Variants in PCDHA6 observed in about 807,000 individuals in gnomAD.
PCDHA6 encodes protocadherin alpha-6.
In PCDHA6, 55 loss-of-function variants were observed where a neutral mutation model predicts 60.3. That is an observed-to-expected ratio of 0.91 (90% confidence interval 0.73 to 1.14). The LOEUF (loss-of-function observed/expected upper bound fraction) is 1.14. Ranked by LOEUF, PCDHA6 falls within the 50% of genes most tolerant of loss-of-function variation. The pLI, the probability that PCDHA6 is intolerant of heterozygous loss-of-function variation, is 0.00. For missense variants in PCDHA6, 1,327 were observed against 1,256.5 expected, an observed-to-expected ratio of 1.06 and a Z score of -0.85; for synonymous variants, 652 against 557.9, an observed-to-expected ratio of 1.17 and a Z score of -2.38.
chr5:140,922,093 C>T (rs1037802949), intron 1 of PCDHA6, among the ~76,000 whole-genome samples: 6 of 151,986 alleles, frequency 3.9e-5, no homozygotes, highest in Middle Eastern at 3.4e-3. Flanking sequence ...GTATTTCTAC[C>T]AACTATAGAT....
chr5:140,921,057 C>G (rs2079994477), intron 1 of PCDHA6, among the ~76,000 whole-genome samples: 1 of 151,924 alleles, frequency 6.6e-6, no homozygotes, highest in African/African-American at 2.4e-5. Flanking sequence ...ATAGCTCACT[C>G]TAACCTTGAA....
At chr5:140,897,307 A>G (rs2065987327) in intron 1 of PCDHA6, among the ~76,000 whole-genome samples, 2 of 148,058 alleles carry the variant, frequency 1.4e-5, no homozygotes, top group African/African-American at 2.5e-5. Context: ...AGCATTAGGT[A>G]TATCTCCTAA....
At position 140,904,654 on chromosome 5, in the gene PCDHA6, G is replaced by C. The variant is rs554492367; in HGVS notation, c.2394+74169G>C. On this transcript the variant is annotated intron_variant, in intron 1 of 3. Coordinates refer to ENST00000529310, the MANE Select transcript of PCDHA6 (RefSeq NM_018909.4). ...AGGAATCTCCACACTGTTTTCCATAGTGGTTGTACTAGTTTACATTCCCAC... is the reference window on the plus strand; with the variant it reads ...AGGAATCTCCACACTGTTTTCCATACTGGTTGTACTAGTTTACATTCCCAC... Among the ~76,000 whole-genome samples, 175 of 152,122 alleles carry C rather than the reference G, an allele frequency of 1.2e-3. 1 individual carries two copies. The highest frequency in any genetic ancestry group is 3.4e-3 in the Middle Eastern group (1 of 294).
rs782723934 is a variant in PCDHA6, at chr5:140,857,452, G to A, written c.2394+26967G>A. The A allele has an allele frequency of 4.4e-6, 7 of 1,598,446 alleles. 1 individual carries two copies. The highest frequency in any genetic ancestry group is 4.3e-6 in the Non-Finnish European group (5 of 1,167,904). ...CGGTGTTCGTGAAGGAGAACAACCC[G>A]CCAGGCTGCCACATCTTCACGGTGT... On this transcript the variant is annotated intron_variant, in intron 1 of 3. Coordinates refer to ENST00000529310, the MANE Select transcript of PCDHA6 (RefSeq NM_018909.4).
At chr5:140,856,781 G>C in intron 1 of PCDHA6, 1 of 1,596,356 alleles carries the variant, frequency 6.3e-7, no homozygotes, top group South Asian at 1.1e-5. Context: ...TGACAGACCG[G>C]TTTATGAAGT....
At chr5:140,893,083 T>C (rs2063812039) in intron 1 of PCDHA6, among the ~76,000 whole-genome samples, 1 of 152,266 alleles carries the variant, frequency 6.6e-6, no homozygotes, top group Non-Finnish European at 1.5e-5. Flanking sequence ...GATTTCATTC[T>C]TTTTTATGGC....
At chr5:140,964,954 G>A (rs140288048) in intron 1 of PCDHA6, among the ~76,000 whole-genome samples, 6 of 152,316 alleles carry the variant, frequency 3.9e-5, no homozygotes, top group Non-Finnish European at 7.4e-5. Flanking sequence ...AGTGTGCTTG[G>A]TTGGTGGAAC....
At chr5:140,881,392 A>G (rs2058698624) in intron 1 of PCDHA6, 2 of 979,256 alleles carry the variant, frequency 2.0e-6, no homozygotes. Context: ...CGGTAAGTTA[A>G]ATTCTATTAA....
Position 140,992,419 on chromosome 5 carries a change from A to C in PCDHA6, c.2542+9856A>C, listed in dbSNP as rs554370784. The stretch of plus-strand genomic sequence containing the variant: ...GAGATATTGTTCTGCCCCAGGTCTA[A>C]GAATATTGTTCCAAGAGTTGGGAGC... On this transcript the variant is annotated intron_variant, in intron 3 of 3. Transcript: ENST00000529310. Among the ~76,000 whole-genome samples the C allele has an allele frequency of 3.3e-5, 5 of 152,318 alleles. No individual in the cohort carries two copies. In the East Asian group the frequency reaches 7.7e-4, roughly 23 times the overall value.
At chr5:140,880,620 A>C (rs2058397773) in intron 1 of PCDHA6, among the ~76,000 whole-genome samples, 1 of 152,170 alleles carries the variant, frequency 6.6e-6, no homozygotes, top group Non-Finnish European at 1.5e-5. Context: ...AAGAGGGAGG[A>C]GTTAATTATC....
Position 140,969,025 on chromosome 5 carries a change from T to G in PCDHA6, c.2395-9924T>G, listed in dbSNP as rs1554231368. On this transcript the variant is annotated intron_variant, in intron 1 of 3. Transcript: ENST00000529310. ...TCTGTGGAGTAAGGGAAAGGTCCCC[T>G]GCAGAACTGTACAAACAAGCCAACA... The G allele has an allele frequency of 1.9e-6, 3 of 1,614,178 alleles. No individual in the cohort carries two copies. The East Asian group carries it at 6.7e-5, about 36-fold the overall frequency.
At chr5:140,902,176 C>T (rs1488205989) in intron 1 of PCDHA6, among the ~76,000 whole-genome samples, 1 of 146,420 alleles carries the variant, frequency 6.8e-6, no homozygotes, top group Non-Finnish European at 1.5e-5. Context: ...TTTGGATGTC[C>T]TTTATGTCTT....
intron 1 of PCDHA6, chr5:140,875,922 T>C: frequency 6.2e-7 from 1 of 1,614,200 alleles, no homozygotes; most frequent in South Asian, 1.1e-5. Context: ...CTCTGGACTC[T>C]CATTTTCCTC....
chr5:140,935,501 A>G (rs1337847677), intron 1 of PCDHA6, among the ~76,000 whole-genome samples: 1 of 152,250 alleles, frequency 6.6e-6, no homozygotes, highest in East Asian at 1.9e-4. Context: ...GCACATCCTT[A>G]CAAATGCCCA....
chr5:140,858,025 G>A, intron 1 of PCDHA6: 1 of 1,596,948 alleles, frequency 6.3e-7, no homozygotes, highest in Non-Finnish European at 8.6e-7. Context: ...CGTCGCTGAC[G>A]GCCACGGCCA....
chr5:140,851,579 C>T lies in PCDHA6; in HGVS notation c.2394+21094C>T, dbSNP rs527993952. On this transcript the variant is annotated intron_variant, in intron 1 of 3. Transcript: ENST00000529310. ...ACTGAAATTTTGTCTACACTTAGAA[C>T]ATTTTTTGAAATTCAGTTTACAGAA... 1.1e-5 allele frequency: 10 copies of T among 913,374 alleles called. No homozygotes were observed. In the South Asian group the frequency reaches 4.0e-4, roughly 36 times the overall value. 56.6% of individuals were successfully genotyped at this position (913,374 alleles called of 1,614,324 possible).
chr5:140,859,774 G>C (rs1214476805), intron 1 of PCDHA6: 1 of 152,534 alleles, frequency 6.6e-6, no homozygotes, highest in Non-Finnish European at 1.5e-5. Flanking sequence ...TCCATGCCCT[G>C]TCTCCAGCTC....
chr5:140,971,236 G>A (rs1384010579), intron 1 of PCDHA6, among the ~76,000 whole-genome samples: 2 of 152,088 alleles, frequency 1.3e-5, no homozygotes, highest in East Asian at 3.9e-4. Flanking sequence ...AAAGCTTGGG[G>A]CAATTTGATA....
intron 1 of PCDHA6, chr5:140,966,973 G>C (rs782189736): frequency 6.2e-7 from 1 of 1,602,934 alleles, no homozygotes; most frequent in Non-Finnish European, 8.5e-7. Context: ...GGCTTGAGCT[G>C]CGGCGCTTGG....
Sources: gnomAD v4.1 joint callset for allele counts (sites outside exome capture counted in the v4.1 genomes callset) on GRCh38, gnomAD v4.1.1 for gene constraint, MANE v1.5 for transcripts, NCBI Gene and HGNC (gene_info 2026-07-23, HGNC 2026-07-21) for gene names.